TSPAN15: variants seen among roughly 807,000 people sequenced by gnomAD.
TSPAN15 encodes tetraspanin-15.
Under a neutral mutation model 34.5 loss-of-function variants are expected in TSPAN15, and 20 were observed. That is an observed-to-expected ratio of 0.58 (90% CI 0.41 to 0.84). The LOEUF (loss-of-function observed/expected upper bound fraction) is 0.84, where lower values mean the gene tolerates loss of function less well. Ranked by LOEUF, TSPAN15 falls within the 40% of genes least tolerant of loss-of-function variation. The probability of loss-of-function intolerance (pLI) is 0.00; values close to 1 mark genes in which losing one functional copy is unlikely to be tolerated. For synonymous variants in TSPAN15, 155 were observed against 153.9 expected, an observed-to-expected ratio of 1.01 and a Z score of -0.05; for missense variants, 313 against 386.1, an observed-to-expected ratio of 0.81 and a Z score of 1.59.
rs907528644 is a variant in TSPAN15, at chr10:69,497,847, C to T, written c.454-433C>T. ...TAAGGGCAGGGCCAGCTGAGCTGGA[C>T]GGGGTGGCTCCTAGGGTGGGTGCGA... On this transcript the variant is annotated intron_variant, in intron 4 of 7. Coordinates refer to ENST00000373290, the MANE Select transcript of TSPAN15 (RefSeq NM_012339.5). Among the ~76,000 whole-genome samples the T allele has an allele frequency of 2.8e-4, 42 of 152,214 alleles. 1 individual carries two copies. The highest frequency in any genetic ancestry group is 2.1e-3 in the South Asian group (10 of 4,808).
At chr10:69,500,651 T>G (rs78495787) in intron 5 of TSPAN15, among the ~76,000 whole-genome samples, 5,821 of 152,214 alleles carry the variant, frequency 0.038, 177 homozygotes, top group Non-Finnish European at 0.051. Flanking sequence ...GAGGGCAGTC[T>G]TTTGTTCTGT....
chr10:69,533,315 A>G, the TSPAN15 span, among the ~76,000 whole-genome samples: 1 of 152,216 alleles, frequency 6.6e-6, no homozygotes, highest in Non-Finnish European at 1.5e-5. Flanking sequence ...ATATATATAT[A>G]TAAAACGGAA....
intron 1 of TSPAN15, among the ~76,000 whole-genome samples, chr10:69,459,805 GCCT>G (rs66472624): frequency 0.38 from 58,230 of 151,378 alleles, 11,887 homozygotes; most frequent in Non-Finnish European, 0.45. Context: ...CCTCCGAGAT[GCCT>G]CCTCTGTGGG....
At chr10:69,519,158 T>C in the TSPAN15 span, among the ~76,000 whole-genome samples, 1 of 152,240 alleles carries the variant, frequency 6.6e-6, no homozygotes, top group Non-Finnish European at 1.5e-5. Context: ...GGCCCAGGCC[T>C]GTAATCCCAG....
the TSPAN15 span, among the ~76,000 whole-genome samples, chr10:69,538,230 G>A: frequency 2.0e-4 from 30 of 152,340 alleles, no homozygotes; most frequent in African/African-American, 6.5e-4. Flanking sequence ...GAATGGATTT[G>A]AAAGTTACTG....
chr10:69,492,775 C>T (rs1313670160), intron 3 of TSPAN15, among the ~76,000 whole-genome samples: 1 of 152,214 alleles, frequency 6.6e-6, no homozygotes, highest in Non-Finnish European at 1.5e-5. Context: ...CCTGGGCTTC[C>T]CACCTTCATC....
At chr10:69,523,541 C>T in the TSPAN15 span, 2 of 427,006 alleles carry the variant, frequency 4.7e-6, no homozygotes, top group Non-Finnish European at 8.9e-6. Flanking sequence ...AGCTCCTTCC[C>T]AGAGGCATCT....
intron 3 of TSPAN15, 182 bp from the exon 4 acceptor site, chr10:69,495,412 G>T: frequency 1.7e-6 from 1 of 591,874 alleles, no homozygotes; most frequent in Non-Finnish European, 3.0e-6. Context: ...GAGGCACGGG[G>T]AGGATGTGTG....
chr10:69,481,419 AATCC>A (rs1841732950), intron 1 of TSPAN15, among the ~76,000 whole-genome samples: 10 of 152,212 alleles, frequency 6.6e-5, no homozygotes, highest in Admixed American at 6.5e-4. Flanking sequence ...GTTTCCTGGT[AATCC>A]TCTGTTATCC....
At chr10:69,515,860 T>G in the TSPAN15 span, among the ~76,000 whole-genome samples, 1 of 152,214 alleles carries the variant, frequency 6.6e-6, no homozygotes, top group Non-Finnish European at 1.5e-5. Context: ...ACTCAGCAAC[T>G]CCACCCTCTC....
the TSPAN15 span, among the ~76,000 whole-genome samples, chr10:69,532,295 G>A: frequency 6.6e-6 from 1 of 152,206 alleles, no homozygotes; most frequent in African/African-American, 2.4e-5. Flanking sequence ...TAAGGCCGTA[G>A]TCACCAAAAC....
At chr10:69,511,240 G>A, downstream of TSPAN15, among the ~76,000 whole-genome samples, 1 of 152,140 alleles carries the variant, frequency 6.6e-6, no homozygotes. Context: ...ATTAATTACT[G>A]CCTCAATTTC....
chr10:69,499,954 C>T (rs1464515578), intron 5 of TSPAN15, among the ~76,000 whole-genome samples: 1 of 152,064 alleles, frequency 6.6e-6, no homozygotes, highest in Admixed American at 6.6e-5. Context: ...TCATGGGTAC[C>T]CCGAAGGCCA....
At chr10:69,484,245 G>GGCA (rs1322291719) in intron 2 of TSPAN15, among the ~76,000 whole-genome samples, 4 of 152,286 alleles carry the variant, frequency 2.6e-5, no homozygotes, top group Admixed American at 1.3e-4. Context: ...GGCGCCACTG[G>GGCA]GCAGGGTTGG....
the TSPAN15 span, among the ~76,000 whole-genome samples, chr10:69,518,194 A>C: frequency 6.6e-5 from 10 of 152,374 alleles, no homozygotes; most frequent in East Asian, 1.9e-3. Flanking sequence ...AATGAATAGC[A>C]GATCTGAAAA....
At position 69,493,291 on chromosome 10, in the gene TSPAN15, G is replaced by C. The variant is rs566165352; in HGVS notation, c.358-2303G>C. Among the ~76,000 whole-genome samples, 261 of 152,314 alleles carry C rather than the reference G, an allele frequency of 1.7e-3. 1 individual carries two copies. The highest frequency in any genetic ancestry group is 6.0e-3 in the African/African-American group (251 of 41,576). On this transcript the variant is annotated intron_variant, in intron 3 of 7. Transcript: ENST00000373290. ...CTTCTGCCCCGGGGGCCAGTGCCAG[G>C]TCCGCGAAGGGCCATGGGCTGGTGA...
chr10:69,504,734 C>T (rs546094957), intron 6 of TSPAN15, among the ~76,000 whole-genome samples: 2 of 152,316 alleles, frequency 1.3e-5, no homozygotes, highest in South Asian at 2.1e-4. Context: ...GGCTGTTCCA[C>T]ATGAAGCCAC....
intron 1 of TSPAN15, among the ~76,000 whole-genome samples, chr10:69,464,283 C>A (rs1841334081): frequency 6.6e-6 from 1 of 151,736 alleles, no homozygotes; most frequent in South Asian, 2.1e-4. Context: ...TTCTGCCTCA[C>A]CAGGTGGACT....
chr10:69,535,420 C>T, the TSPAN15 span, among the ~76,000 whole-genome samples: 1 of 152,074 alleles, frequency 6.6e-6, no homozygotes, highest in African/African-American at 2.4e-5. Flanking sequence ...AATAATAATA[C>T]TAAAAAAATA....
Sources: gnomAD v4.1 joint callset for allele counts (sites outside exome capture counted in the v4.1 genomes callset) on GRCh38, gnomAD v4.1.1 for gene constraint, MANE v1.5 for transcripts, NCBI Gene and HGNC (gene_info 2026-07-23, HGNC 2026-07-21) for gene names.